The following MAP7 variants were observed in gnomAD, a reference collection of about 807,000 sequenced individuals.
MAP7 encodes microtubule associated protein 7, also known as ensconsin.
MAP7 carries 52 observed loss-of-function variants against 94.8 expected under a neutral mutation model. That is an observed-to-expected ratio of 0.55 (90% CI 0.44 to 0.69). MAP7 has a LOEUF of 0.69. Ranked by LOEUF, MAP7 falls within the 30% of genes least tolerant of loss-of-function variation. The pLI, the probability that MAP7 is intolerant of heterozygous loss-of-function variation, is 0.00. For missense variants in MAP7, 940 were observed against 964.6 expected (o/e 0.97, Z 0.34); for synonymous variants, 350 against 357.0 (o/e 0.98, Z 0.22).
chr6:136,545,313 T>C (rs1397221731), intron 1 of MAP7: 1 of 137,922 alleles, frequency 7.3e-6, no homozygotes, highest in African/African-American at 2.7e-5. Flanking sequence ...CCCAAAGCAG[T>C]AAAAGAAAAA....
intron 6 of MAP7, among the ~76,000 whole-genome samples, chr6:136,382,961 A>G (rs1439566488): frequency 6.6e-6 from 1 of 152,186 alleles, no homozygotes. Context: ...GATTTTTTTC[A>G]TTCTATGATC....
rs1554242697 is a variant in MAP7 at position 136,393,978 on chromosome 6, A to AATTTTTTTTTTTTT, written c.245-4462_245-4461insAAAAAAAAAAAAAT. On this transcript the variant is annotated intron_variant, in intron 3 of 17. Coordinates refer to ENST00000354570, the MANE Select transcript of MAP7 (RefSeq NM_003980.6). ...GTTCTGATATCTCTGCAGCAAAGGT[A>AATTTTTTTTTTTTT]TTTTTTTTTTTTTTTTTTTTTTTGA... Among the ~76,000 whole-genome samples the AATTTTTTTTTTTTT allele has an allele frequency of 5.5e-5, 2 of 36,204 alleles. 1 individual carries two copies. The highest frequency in any genetic ancestry group is 1.4e-4 in the Non-Finnish European group (2 of 13,996). The allele number at this position is 36,204 out of a possible 152,430, so 23.8% of individuals were successfully genotyped here.
At chr6:136,516,953 C>T (rs1337200375) in intron 1 of MAP7, among the ~76,000 whole-genome samples, 2 of 143,086 alleles carry the variant, frequency 1.4e-5, no homozygotes, top group African/African-American at 5.5e-5. Flanking sequence ...CACCCCACAT[C>T]AGAAGGAAAA....
At chr6:136,515,374 C>A (rs1365325533) in intron 1 of MAP7, among the ~76,000 whole-genome samples, 5 of 152,210 alleles carry the variant, frequency 3.3e-5, no homozygotes, top group Admixed American at 3.3e-4. Flanking sequence ...ACCATGGTAG[C>A]ACTTTTTGCT....
Position 136,389,531 on chromosome 6 carries a change from TAAAAAAA to T in MAP7, c.245-21_245-15del. 1 of 1,529,424 alleles carries T rather than the reference TAAAAAAA, an allele frequency of 6.5e-7. No individual in the cohort carries two copies. The highest frequency in any genetic ancestry group is 8.7e-7 in the Non-Finnish European group (1 of 1,143,878). 94.7% of individuals were successfully genotyped at this position (1,529,424 alleles called of 1,614,324 possible). ...TTTCTCTTGCAGCTTTGGGGAGGGT[TAAAAAAA>T]AAAAAAAAGAGGGAAATCAAATATA... On this transcript the variant is annotated splice_polypyrimidine_tract_variant and intron_variant, in intron 3 of 17. Transcript: ENST00000354570.
intron 1 of MAP7, among the ~76,000 whole-genome samples, chr6:136,504,720 G>A (rs1211744814): frequency 1.3e-5 from 2 of 151,698 alleles, no homozygotes; most frequent in African/African-American, 2.4e-5. Flanking sequence ...TCGCTCTGTT[G>A]CCCAAGCTGG....
chr6:136,546,224 G>A (rs1053247225), intron 1 of MAP7, among the ~76,000 whole-genome samples: 3 of 151,640 alleles, frequency 2.0e-5, no homozygotes, highest in African/African-American at 7.3e-5. Flanking sequence ...CGTAACCCAG[G>A]CTAGTCTCAA....
chr6:136,362,330 T>C, intron 11 of MAP7, 120 bp downstream of exon 11: 1 of 1,295,474 alleles, frequency 7.7e-7, no homozygotes, highest in South Asian at 1.5e-5. Flanking sequence ...GTAAGAGTAA[T>C]CCTGAAAGAA....
chr6:136,448,661 C>A (rs1378895127), intron 1 of MAP7, among the ~76,000 whole-genome samples: 1 of 151,940 alleles, frequency 6.6e-6, no homozygotes, highest in Admixed American at 6.6e-5. Context: ...GATCTTCCCG[C>A]CTTGGCCTTC....
Position 136,362,490 on chromosome 6 carries a change from T to C in MAP7, c.1486A>G (p.Lys496Glu), listed in dbSNP as rs757000885. The change falls in exon 11 of 18, where the codon AAG becomes GAG. Residue 496 changes from lysine to glutamate, a missense_variant. Lys to Glu is a moderately conservative substitution (Grantham distance 56, BLOSUM62 1). Transcript: ENST00000354570. ...TGCTCCCTCCTCTCCCTTTCTTCCT[T>C]TTCTCTCTGCTCTCGGGCCAGCCGC... ...KRRLAREQRE[K>E]EERERREQEE... The C allele has an allele frequency of 5.6e-6, 9 of 1,614,080 alleles. No individual in the cohort carries two copies. Among genetic ancestry groups the C allele is most frequent in the Non-Finnish European group, 7.6e-6 (9 of 1,180,044 alleles).
In MAP7 at chr6:136,380,147, C is replaced by T. The variant is rs923167288; in HGVS notation, c.638-2279G>A. On this transcript the variant is annotated intron_variant, in intron 6 of 17. Coordinates refer to ENST00000354570, the MANE Select transcript of MAP7 (RefSeq NM_003980.6). Reference sequence around the variant, plus strand: ...TAAGCACTTAAAATTGAGATATTGACAATTTCCATTATAGGCCACCCAGAT... The same window carrying T: ...TAAGCACTTAAAATTGAGATATTGATAATTTCCATTATAGGCCACCCAGAT... 3.3e-5 allele frequency among the ~76,000 whole-genome samples: 5 copies of T among 152,294 alleles called. No homozygotes were observed. In the South Asian group the frequency reaches 6.2e-4, roughly 19 times the overall value.
chr6:136,534,223 C>G (rs925602634), intron 1 of MAP7, among the ~76,000 whole-genome samples: 8 of 152,174 alleles, frequency 5.3e-5, no homozygotes, highest in Admixed American at 5.2e-4. Context: ...GGAATAATGG[C>G]TGCTGCCACT....
chr6:136,547,943 A>G (rs1829856698), intron 1 of MAP7, among the ~76,000 whole-genome samples: 1 of 152,180 alleles, frequency 6.6e-6, no homozygotes, highest in South Asian at 2.1e-4. Context: ...TAGAGACCCA[A>G]AAACTAAGAG....
chr6:136,399,636 G>A (rs536398785), intron 3 of MAP7, among the ~76,000 whole-genome samples: 2 of 152,166 alleles, frequency 1.3e-5, no homozygotes, highest in Non-Finnish European at 2.9e-5. Context: ...TTATAGGCAT[G>A]AGCCACTGTG....
At chr6:136,513,895 G>A (rs1384008982) in intron 1 of MAP7, among the ~76,000 whole-genome samples, 2 of 152,284 alleles carry the variant, frequency 1.3e-5, no homozygotes, top group Middle Eastern at 3.4e-3. Flanking sequence ...AATTGCATGT[G>A]TTTTGCAAGT....
At position 136,431,581 on chromosome 6, in the gene MAP7, G is replaced by C. The variant is rs186778928; in HGVS notation, c.68-9782C>G. Among the ~76,000 whole-genome samples the C allele has an allele frequency of 2.5e-3, 379 of 152,040 alleles. 4 individuals carry two copies. Among genetic ancestry groups the C allele is most frequent in the African/African-American group, 9.0e-3 (373 of 41,454 alleles). On this transcript the variant is annotated intron_variant, in intron 1 of 17. Coordinates refer to ENST00000354570, the MANE Select transcript of MAP7 (RefSeq NM_003980.6). ...CACCCAGGCTGGAGTGCAGTGGTGTGATCTTGATTCACTGTAACCTCTGCC... is the reference window on the plus strand; with the variant it reads ...CACCCAGGCTGGAGTGCAGTGGTGTCATCTTGATTCACTGTAACCTCTGCC...
chr6:136,364,321 A>G (rs951680084), intron 10 of MAP7: 12 of 494,854 alleles, frequency 2.4e-5, no homozygotes, highest in Non-Finnish European at 4.8e-5. Flanking sequence ...CTCATCTGCA[A>G]TGGAGGAGCT....
rs936719488 is a variant in MAP7 at position 136,349,302 on chromosome 6, C to T, written c.2016-3223G>A. On this transcript the variant is annotated intron_variant, in intron 16 of 17. Coordinates refer to ENST00000354570, the MANE Select transcript of MAP7 (RefSeq NM_003980.6). ...TATATTTCAAGTATTTTATAAACGT[C>T]GTATATCTTACATAGGAAAATGTAT... Among the ~76,000 whole-genome samples the T allele has an allele frequency of 9.2e-5, 14 of 151,936 alleles. 1 individual carries two copies. The highest frequency in any genetic ancestry group is 7.2e-4 in the Admixed American group (11 of 15,270).
intron 1 of MAP7, among the ~76,000 whole-genome samples, chr6:136,482,246 T>C (rs1813072528): frequency 6.6e-6 from 1 of 152,184 alleles, no homozygotes; most frequent in Non-Finnish European, 1.5e-5. Context: ...GCAGTACCAT[T>C]TGACCCAACA....
Sources: allele counts gnomAD v4.1 joint callset (sites outside exome capture counted in the v4.1 genomes callset), GRCh38; gene constraint gnomAD v4.1.1; transcripts MANE v1.5; gene names NCBI Gene and HGNC (gene_info 2026-07-23, HGNC 2026-07-21).